The following DIP2B variants were observed in gnomAD, a reference collection of about 807,000 sequenced individuals.
The protein encoded by DIP2B is disco-interacting protein 2 homolog B.
Under a neutral mutation model 198.0 loss-of-function variants are expected in DIP2B, and 76 were observed. That is an observed-to-expected ratio of 0.38 (90% CI 0.32 to 0.46). DIP2B has a LOEUF of 0.46. DIP2B is among the 20% of genes least tolerant of loss of function. The pLI, the probability that DIP2B is intolerant of heterozygous loss-of-function variation, is 0.99. For synonymous variants in DIP2B, 701 were observed against 739.1 expected (o/e 0.95, Z 0.84); for missense variants, 1,559 against 1,978.4 (o/e 0.79, Z 4.02).
At chr12:50,744,475 TG>T (rs1940313123) in intron 37 of DIP2B, 111 bp from the exon 38 acceptor site, 6 of 1,450,202 alleles carry the variant, frequency 4.1e-6, no homozygotes, top group Non-Finnish European at 5.7e-6. Context: ...GCTGACGTTC[TG>T]GTTGGGATTG....
rs1350226621 is a variant in DIP2B at position 50,505,027 on chromosome 12, CTGG to C, written c.-108_-106del. On this transcript the variant is annotated 5_prime_UTR_variant, in exon 1 of 38. Coordinates refer to ENST00000301180, the MANE Select transcript of DIP2B (RefSeq NM_173602.3). ...GGCGGCGGCGGCGGCGGCGGCGGTG[CTGG>C]TGGTGCTCGGCGGCCGGAGCCGGAT... 5.2e-5 allele frequency: 41 copies of C among 790,464 alleles called. No individual in the cohort carries two copies. Among genetic ancestry groups the C allele is most frequent in the Admixed American group, 7.8e-5 (3 of 38,462 alleles). The allele number at this position is 790,464 out of a possible 1,614,324, so 49.0% of individuals were successfully genotyped here. A position where few individuals can be genotyped will look rare whatever the true frequency, so the allele number is the denominator to read the frequency against.
rs533635976 is a variant in DIP2B at position 50,613,272 on chromosome 12, T to C, written c.101-12704T>C. On this transcript the variant is annotated intron_variant, in intron 1 of 37. Transcript: ENST00000301180. Reference sequence around the variant, plus strand: ...ATAATACTCTTCCATGGAATTGTTTTGAGGACTATATGGATTAATGTATGT... The same window carrying C: ...ATAATACTCTTCCATGGAATTGTTTCGAGGACTATATGGATTAATGTATGT... Among the ~76,000 whole-genome samples, 8 of 152,350 alleles carry C rather than the reference T, an allele frequency of 5.3e-5. No homozygotes were observed. In the South Asian group the frequency reaches 1.7e-3, roughly 32 times the overall value.
intron 4 of DIP2B, among the ~76,000 whole-genome samples, chr12:50,670,880 T>C (rs770614629): frequency 6.6e-6 from 1 of 152,166 alleles, no homozygotes; most frequent in African/African-American, 2.4e-5. Context: ...CATAAGTAGA[T>C]GGACTAGAAA....
At chr12:50,515,148 TG>T (rs1325633796) in intron 1 of DIP2B, among the ~76,000 whole-genome samples, 2 of 152,068 alleles carry the variant, frequency 1.3e-5, no homozygotes, top group East Asian at 3.8e-4. Flanking sequence ...CTGAAACAAC[TG>T]TCTCCAAGGC....
At position 50,592,722 on chromosome 12, in the gene DIP2B, C is replaced by T. The variant is rs186337278; in HGVS notation, c.101-33254C>T. On this transcript the variant is annotated intron_variant, in intron 1 of 37. Coordinates refer to ENST00000301180, the MANE Select transcript of DIP2B (RefSeq NM_173602.3). Reference sequence around the variant, plus strand: ...CGAACTCCTGACCTTGTGATCTGCCCGCCTCGGCCTCCTAAAGTGCTGGGA... The same window carrying T: ...CGAACTCCTGACCTTGTGATCTGCCTGCCTCGGCCTCCTAAAGTGCTGGGA... Among the ~76,000 whole-genome samples, 800 of 151,804 alleles carry T rather than the reference C, an allele frequency of 5.3e-3. 1 individual carries two copies. The highest frequency in any genetic ancestry group is 0.019 in the African/African-American group (768 of 41,384).
chr12:50,702,678 C>T (rs1054870182), intron 19 of DIP2B, among the ~76,000 whole-genome samples: 22 of 138,654 alleles, frequency 1.6e-4, no homozygotes, highest in African/African-American at 5.1e-4. Context: ...ACCATTATTA[C>T]GCCTGTGACT....
chr12:50,606,402 A>G (rs774882431), intron 1 of DIP2B, among the ~76,000 whole-genome samples: 2 of 152,236 alleles, frequency 1.3e-5, no homozygotes, highest in Non-Finnish European at 2.9e-5. Flanking sequence ...GATTACCAGC[A>G]TGAGCCACCA....
intron 1 of DIP2B, among the ~76,000 whole-genome samples, chr12:50,605,908 G>GC (rs761360890): frequency 6.6e-6 from 1 of 151,684 alleles, no homozygotes; most frequent in South Asian, 2.1e-4. Flanking sequence ...TGCAACCTTC[G>GC]CCCCCCAGGT....
At chr12:50,539,863 A>G (rs1453186877) in intron 1 of DIP2B, among the ~76,000 whole-genome samples, 1 of 151,768 alleles carries the variant, frequency 6.6e-6, no homozygotes, top group Non-Finnish European at 1.5e-5. Context: ...CTTTTCTATG[A>G]ATTTTCTATG....
Position 50,512,733 on chromosome 12 carries a change from C to T in DIP2B, c.100+7493C>T, listed in dbSNP as rs115673400. ...TTTAAAAAGGAATGACGGTGGTGTG[C>T]AGTGGCTCCCGCCTGTAATCCCAGC... is the stretch of plus-strand genomic sequence containing the variant. On this transcript the variant is annotated intron_variant, in intron 1 of 37. Coordinates refer to ENST00000301180, the MANE Select transcript of DIP2B (RefSeq NM_173602.3). Among the ~76,000 whole-genome samples, 1,081 of 152,248 alleles carry T rather than the reference C, an allele frequency of 7.1e-3. 17 individuals carry two copies. Among genetic ancestry groups the T allele is most frequent in the African/African-American group, 0.025 (1,040 of 41,556 alleles).
At chr12:50,621,179 A>T (rs959126580) in intron 1 of DIP2B, among the ~76,000 whole-genome samples, 6 of 152,264 alleles carry the variant, frequency 3.9e-5, no homozygotes, top group African/African-American at 1.4e-4. Flanking sequence ...TGGCAACCAC[A>T]GAAATGTGAA....
In DIP2B at chr12:50,725,855, CTTT is replaced by C. The variant is rs74550223; in HGVS notation, c.3400+982_3400+984del. Among the ~76,000 whole-genome samples, 9 of 140,140 alleles carry C rather than the reference CTTT, an allele frequency of 6.4e-5. No homozygotes were observed. The East Asian group carries it at 1.2e-3, about 19-fold the overall frequency. 91.9% of individuals were successfully genotyped at this position (140,140 alleles called of 152,430 possible). A position where few individuals can be genotyped will look rare whatever the true frequency, so the allele number is the denominator to read the frequency against. ...CTTAACCATTAATGTCCTCCCTACCCTTTTTTTTTTTTTTTAACTCTGGATTCA... is the reference window on the plus strand; with the variant it reads ...CTTAACCATTAATGTCCTCCCTACCCTTTTTTTTTTTTAACTCTGGATTCA... On this transcript the variant is annotated intron_variant, in intron 28 of 37. Transcript: ENST00000301180.
At chr12:50,608,478 T>A (rs1203665117) in intron 1 of DIP2B, among the ~76,000 whole-genome samples, 3 of 151,420 alleles carry the variant, frequency 2.0e-5, no homozygotes, top group Non-Finnish European at 4.4e-5. Flanking sequence ...AAAACATAGC[T>A]GGGTCCACGT....
At position 50,714,450 on chromosome 12, in the gene DIP2B, A is replaced by G. The variant is rs1475692388; in HGVS notation, c.2705A>G (p.Asn902Ser). The G allele has an allele frequency of 1.2e-6, 2 of 1,614,118 alleles. No individual in the cohort carries two copies. Among genetic ancestry groups the G allele is most frequent in the African/African-American group, 1.3e-5 (1 of 74,942 alleles). The part of the protein sequence containing the change: ...GVYCLALVPA[N>S]TLPKTPLGGI... ...TATTGTCTTGCTCTGGTGCCAGCCAATACATTGCCAAAAACTCCACTAGGA... is the reference window on the plus strand; with the variant it reads ...TATTGTCTTGCTCTGGTGCCAGCCAGTACATTGCCAAAAACTCCACTAGGA... Residue 902 changes from asparagine to serine, a missense_variant, in exon 23 of 38, where the codon AAT (asparagine) becomes AGT (serine). By Grantham distance (46) the Asn-to-Ser change is conservative. Transcript: ENST00000301180.
chr12:50,617,018 A>C (rs1937711742), intron 1 of DIP2B, among the ~76,000 whole-genome samples: 2 of 152,202 alleles, frequency 1.3e-5, no homozygotes. Flanking sequence ...CTCCAGCCAT[A>C]GCCAACATGA....
At chr12:50,575,614 C>T (rs1462209619) in intron 1 of DIP2B, among the ~76,000 whole-genome samples, 1 of 152,126 alleles carries the variant, frequency 6.6e-6, no homozygotes, top group Non-Finnish European at 1.5e-5. Flanking sequence ...TCTTGAATTC[C>T]TGGGCTCAAG....
intron 1 of DIP2B, among the ~76,000 whole-genome samples, chr12:50,555,336 GTC>G (rs1958461294): frequency 6.6e-6 from 1 of 152,134 alleles, no homozygotes. Flanking sequence ...CATAGTGTAA[GTC>G]TCTTCACCAC....
chr12:50,669,703 G>A (rs1235391072), intron 4 of DIP2B, among the ~76,000 whole-genome samples: 1 of 152,274 alleles, frequency 6.6e-6, no homozygotes, highest in East Asian at 1.9e-4. Context: ...GGGATTACAG[G>A]CCTGAGCCAC....
At position 50,704,231 on chromosome 12, in the gene DIP2B, C is replaced by G. The variant is rs200504343; in HGVS notation, c.2406+11C>G. On this transcript the variant is annotated intron_variant, in intron 20 of 37. Transcript: ENST00000301180. ...GGGTTTGTAGGGCCGGTAAGTGATGCTTTCATGTTGATTTTGTTACATTTG... is the reference window on the plus strand; with the variant it reads ...GGGTTTGTAGGGCCGGTAAGTGATGGTTTCATGTTGATTTTGTTACATTTG... The G allele has an allele frequency of 1.2e-6, 2 of 1,604,854 alleles. No individual in the cohort carries two copies. Among genetic ancestry groups the G allele is most frequent in the Non-Finnish European group, 1.7e-6 (2 of 1,177,508 alleles).
Sources: allele counts gnomAD v4.1 joint callset (sites outside exome capture counted in the v4.1 genomes callset), GRCh38; gene constraint gnomAD v4.1.1; transcripts MANE v1.5; gene names NCBI Gene and HGNC (gene_info 2026-07-23, HGNC 2026-07-21).